Variants in REG3A observed in about 807,000 individuals in gnomAD.
The protein encoded by REG3A is regenerating family member 3 alpha.
REG3A carries 15 observed loss-of-function variants against 20.5 expected under a neutral mutation model. That is an observed-to-expected ratio of 0.73 (90% CI 0.49 to 1.12). REG3A has a LOEUF of 1.12. Among genes scored for constraint, REG3A ranks in the 50% most tolerant of loss-of-function variants. The pLI, the probability that REG3A is intolerant of heterozygous loss-of-function variation, is 0.00. For missense variants in REG3A, 224 were observed against 213.1 expected, an observed-to-expected ratio of 1.05 and a Z score of -0.32; for synonymous variants, 93 against 83.2, an observed-to-expected ratio of 1.12 and a Z score of -0.64.
In REG3A at chr2:79,157,026, G is replaced by A; in HGVS notation, c.*200C>T. ...ACAAGTGCAGACTAAAAATTTTATTGCTCTTTAAAGCCTTAGGCCGTATGA... is the reference window on the plus strand; with the variant it reads ...ACAAGTGCAGACTAAAAATTTTATTACTCTTTAAAGCCTTAGGCCGTATGA... On this transcript the variant is annotated 3_prime_UTR_variant, in exon 6 of 6. Transcript: ENST00000305165. The A allele has an allele frequency of 3.4e-6, 2 of 588,366 alleles. No individual in the cohort carries two copies. The highest frequency in any genetic ancestry group is 6.0e-6 in the Non-Finnish European group (2 of 332,940). The allele number at this position is 588,366 out of a possible 1,614,324, so 36.4% of individuals were successfully genotyped here. A position where few individuals can be genotyped will look rare whatever the true frequency, so the allele number is the denominator to read the frequency against.
chr2:79,157,954 G>A (rs563445341), intron 4 of REG3A, among the ~76,000 whole-genome samples: 150 of 152,304 alleles, frequency 9.8e-4, no homozygotes, highest in Admixed American at 2.3e-3. Flanking sequence ...TAGCATTTGT[G>A]ATTAGCTTGT....
chr2:79,157,453 A>C, intron 5 of REG3A, 119 bp downstream of exon 5: 1 of 1,481,812 alleles, frequency 6.7e-7, no homozygotes, highest in East Asian at 2.3e-5. Flanking sequence ...AAGAGAGGAG[A>C]TAAGAGAAGA....
rs1426798296 is a variant in REG3A, at chr2:79,159,364, C to A, written c.42G>T (p.Leu14=). The A allele has an allele frequency of 1.2e-6, 2 of 1,613,842 alleles. No homozygotes were observed. The highest frequency in any genetic ancestry group is 1.7e-6 in the Non-Finnish European group (2 of 1,180,002). The change falls in exon 2 of 6, where the codon CTG becomes CTT. Residue 14 remains leucine, a synonymous_variant. Transcript: ENST00000305165. ...GAGACAGCAGCATGAGGCAGGAAAGCAGCATCCAAGATACACTGGGCAGGG... is the reference window on the plus strand; with the variant it reads ...GAGACAGCAGCATGAGGCAGGAAAGAAGCATCCAAGATACACTGGGCAGGG... The part of the protein sequence containing the change: ...PMALPSVSWM[L]LSCLMLLSQV...
rs1673332097 is a variant in REG3A, at chr2:79,157,126, G to A, written c.*100C>T. The A allele has an allele frequency of 2.2e-6, 2 of 898,128 alleles. No homozygotes were observed. The highest frequency in any genetic ancestry group is 2.4e-5 in the East Asian group (1 of 41,524). The allele number at this position is 898,128 out of a possible 1,614,324, so 55.6% of individuals were successfully genotyped here. The stretch of plus-strand genomic sequence containing the variant: ...ATAAGAATGAGGTGGTCAGGTTGGG[G>A]GAATTAAGCGAATATTCTCTTCCAG... On this transcript the variant is annotated 3_prime_UTR_variant, in exon 6 of 6. Coordinates refer to ENST00000305165, the MANE Select transcript of REG3A (RefSeq NM_002580.3).
In REG3A at chr2:79,158,347, A is replaced by G; in HGVS notation, c.312T>C (p.Ile104=). ...GCACCTGTGTGGGGTCATGGAGCCC[A>G]ATCCAGACGTATGAGTAGCTGTTAC... ...SIGNSYSYVW[I]GLHDPTQGTE... The change falls in exon 4 of 6, where the codon ATT becomes ATC. Residue 104 remains isoleucine, a synonymous_variant. Coordinates refer to ENST00000305165, the MANE Select transcript of REG3A (RefSeq NM_002580.3). The G allele has an allele frequency of 6.2e-7, 1 of 1,614,106 alleles. No individual in the cohort carries two copies. Among genetic ancestry groups the G allele is most frequent in the South Asian group, 1.1e-5 (1 of 91,078 alleles).
chr2:79,159,262 A>G (rs1275652633), intron 2 of REG3A, 68 bp downstream of exon 2: 15 of 1,519,704 alleles, frequency 9.9e-6, no homozygotes, highest in Non-Finnish European at 1.3e-5. Context: ...GACACACAGG[A>G]GCCTTCCTCC....
chr2:79,157,769 GC>G, intron 4 of REG3A, 71 bp from the exon 5 acceptor site: 1 of 1,552,134 alleles, frequency 6.4e-7, no homozygotes, highest in Non-Finnish European at 8.7e-7. Flanking sequence ...CCCCTTAGCT[GC>G]AACACCTGAT....
At chr2:79,158,793 G>C in intron 2 of REG3A, 24 bp from the exon 3 acceptor site, 2 of 1,593,160 alleles carry the variant, frequency 1.3e-6, no homozygotes, top group Non-Finnish European at 1.7e-6. Flanking sequence ...AGAGGGGGGA[G>C]GGTAAAATGA....
Position 79,158,309 on chromosome 2 carries a change from G to C in REG3A, c.333+17C>G. The C allele has an allele frequency of 1.2e-6, 2 of 1,611,400 alleles. No homozygotes were observed. Among genetic ancestry groups the C allele is most frequent in the Non-Finnish European group, 1.7e-6 (2 of 1,178,628 alleles). On this transcript the variant is annotated intron_variant, in intron 4 of 5. Transcript: ENST00000305165. The stretch of plus-strand genomic sequence containing the variant: ...AGCACCTTGAGAGGTAACAGAGAGG[G>C]GAGGATATACTGGCACCTGTGTGGG...
At chr2:79,158,613 G>C (rs1429984719) in intron 3 of REG3A, 38 bp downstream of exon 3, 1 of 1,611,330 alleles carries the variant, frequency 6.2e-7, no homozygotes, top group African/African-American at 1.3e-5. Context: ...TCCTCCCCCT[G>C]AGACCGGTCA....
At chr2:79,159,252 G>C in intron 2 of REG3A, 78 bp downstream of exon 2, 2 of 1,459,362 alleles carry the variant, frequency 1.4e-6, no homozygotes, top group South Asian at 2.3e-5. Flanking sequence ...TACCTCACAT[G>C]ACACACAGGA....
At chr2:79,159,236 C>T (rs923512875) in intron 2 of REG3A, 94 bp downstream of exon 2, 141 of 1,338,210 alleles carry the variant, frequency 1.1e-4, no homozygotes, top group Non-Finnish European at 1.3e-4. Flanking sequence ...TTAGACACCA[C>T]GTCATTACCT....
chr2:79,159,114 A>G, intron 2 of REG3A: 1 of 600,286 alleles, frequency 1.7e-6, no homozygotes, highest in Non-Finnish European at 3.0e-6. Flanking sequence ...ATTAGAGTCC[A>G]CTGACTAAAT....
In REG3A at chr2:79,157,641, A is replaced by G. The variant is rs150496065; in HGVS notation, c.391T>C (p.Phe131Leu). 69 of 1,614,002 alleles carry G rather than the reference A, an allele frequency of 4.3e-5. No individual in the cohort carries two copies. Among genetic ancestry groups the G allele is most frequent in the Non-Finnish European group, 5.7e-5 (67 of 1,180,020 alleles). ...EWSSSDVMNYFAWERNPSTIS... is the reference protein window; with the variant it reads ...EWSSSDVMNYLAWERNPSTIS... ...GTGGAGGGATTTCTCTCCCATGCAA[A>G]GTAATTCATCACATCACTGCTACTC... The change falls in exon 5 of 6, where the codon TTT (phenylalanine) becomes CTT (leucine). Residue 131 changes from phenylalanine to leucine, a missense_variant. By Grantham distance (22) the Phe-to-Leu change is conservative. Transcript: ENST00000305165.
chr2:79,159,236 C>A, intron 2 of REG3A, 94 bp downstream of exon 2: 1 of 1,338,330 alleles, frequency 7.5e-7, no homozygotes, highest in African/African-American at 1.4e-5. Context: ...TTAGACACCA[C>A]GTCATTACCT....
At chr2:79,159,013 C>G (rs561923597) in intron 2 of REG3A, 1 of 581,690 alleles carries the variant, frequency 1.7e-6, no homozygotes, top group Non-Finnish European at 3.1e-6. Flanking sequence ...TCTGGGCTGT[C>G]TCTACATTGG....
Position 79,157,834 on chromosome 2 carries a change from T to C in REG3A, c.334-136A>G, listed in dbSNP as rs977707756. 2.7e-6 allele frequency: 3 copies of C among 1,113,386 alleles called. No individual in the cohort carries two copies. In the African/African-American group the frequency reaches 4.7e-5, roughly 17 times the overall value. 69.0% of individuals were successfully genotyped at this position (1,113,386 alleles called of 1,614,324 possible). A position where few individuals can be genotyped will look rare whatever the true frequency, so the allele number is the denominator to read the frequency against. On this transcript the variant is annotated intron_variant, in intron 4 of 5. Coordinates refer to ENST00000305165, the MANE Select transcript of REG3A (RefSeq NM_002580.3). ...TGCTATTCCAGATGCTGCCGGTGAGTAGGAAACTCTTCCTTGACTCCTCAT... is the reference window on the plus strand; with the variant it reads ...TGCTATTCCAGATGCTGCCGGTGAGCAGGAAACTCTTCCTTGACTCCTCAT...
Position 79,158,559 on chromosome 2 carries a change from C to T in REG3A, c.195+92G>A, listed in dbSNP as rs187429978. The stretch of plus-strand genomic sequence containing the variant: ...GGAGGAGGACTGTGTGAAAGATAAA[C>T]GTGTTCATCCTCATTCCCAAGGAAC... On this transcript the variant is annotated intron_variant, in intron 3 of 5. Transcript: ENST00000305165. The T allele has an allele frequency of 4.8e-5, 77 of 1,603,634 alleles. 1 individual carries two copies. The African/African-American group carries it at 5.3e-4, about 11-fold the overall frequency.
At position 79,158,361 on chromosome 2, in the gene REG3A, A is replaced by C; in HGVS notation, c.298T>G (p.Ser100Ala). The C allele has an allele frequency of 6.2e-7, 1 of 1,614,104 alleles. No individual in the cohort carries two copies. The highest frequency in any genetic ancestry group is 8.5e-7 in the Non-Finnish European group (1 of 1,180,006). ...TCATGGAGCCCAATCCAGACGTATGAGTAGCTGTTACCAATGCTCTTCACC... is the reference window on the plus strand; with the variant it reads ...TCATGGAGCCCAATCCAGACGTATGCGTAGCTGTTACCAATGCTCTTCACC... ...SLVKSIGNSY[S>A]YVWIGLHDPT... The change falls in exon 4 of 6, where the codon TCA (serine) becomes GCA (alanine). Residue 100 changes from serine (S) to alanine (A), a missense_variant. Physicochemically the swap from Ser to Ala is moderately conservative, Grantham distance 99. Coordinates refer to ENST00000305165, the MANE Select transcript of REG3A (RefSeq NM_002580.3).
Sources: gnomAD v4.1 joint callset for allele counts (sites outside exome capture counted in the v4.1 genomes callset) on GRCh38, gnomAD v4.1.1 for gene constraint, MANE v1.5 for transcripts, NCBI Gene and HGNC (gene_info 2026-07-23, HGNC 2026-07-21) for gene names.